Variants in SNAP91 observed in about 807,000 individuals in gnomAD.
The protein encoded by SNAP91 is clathrin coat assembly protein AP180.
A neutral mutation model predicts 100.3 loss-of-function variants in SNAP91; 27 were observed. That is an observed-to-expected ratio of 0.27 (90% CI 0.20 to 0.37). The LOEUF (loss-of-function observed/expected upper bound fraction) is 0.37. Among genes scored for constraint, SNAP91 ranks in the 10% least tolerant of loss-of-function variants. The probability of loss-of-function intolerance (pLI) is 1.00; values close to 1 mark genes in which losing one functional copy is unlikely to be tolerated. For synonymous variants in SNAP91, 404 were observed against 398.6 expected, an observed-to-expected ratio of 1.01 and a Z score of -0.16; for missense variants, 986 against 1,123.7, an observed-to-expected ratio of 0.88 and a Z score of 1.75.
At position 83,650,233 on chromosome 6, in the gene SNAP91, T is replaced by C. The variant is rs185313904; in HGVS notation, c.658+6521A>G. On this transcript the variant is annotated intron_variant, in intron 7 of 29. Coordinates refer to ENST00000369694, the MANE Select transcript of SNAP91 (RefSeq NM_001242792.2). ...TTGCATTTTCAATTTGCAATTGCAATAGTTAATAAAATCTTCGGACATTAA... is the reference window on the plus strand; with the variant it reads ...TTGCATTTTCAATTTGCAATTGCAACAGTTAATAAAATCTTCGGACATTAA... Among the ~76,000 whole-genome samples the C allele has an allele frequency of 2.0e-5, 3 of 152,340 alleles. No individual in the cohort carries two copies. The East Asian group carries it at 5.8e-4, about 29-fold the overall frequency.
chr6:83,661,461 C>G (rs1245417418), intron 5 of SNAP91, 41 bp downstream of exon 5: 1 of 1,271,716 alleles, frequency 7.9e-7, no homozygotes, highest in East Asian at 2.3e-5. Flanking sequence ...GCCTCAAAGA[C>G]TTATTCTCCT....
intron 24 of SNAP91, among the ~76,000 whole-genome samples, chr6:83,577,380 A>T (rs1285920533): frequency 6.6e-6 from 1 of 152,232 alleles, no homozygotes; most frequent in African/African-American, 2.4e-5. Flanking sequence ...TTATTTTAAA[A>T]TTTATTTTTC....
intron 2 of SNAP91, among the ~76,000 whole-genome samples, chr6:83,666,265 C>G (rs982210874): frequency 6.6e-6 from 1 of 151,960 alleles, no homozygotes; most frequent in Non-Finnish European, 1.5e-5. Flanking sequence ...ATCTACTGGC[C>G]AACAGGGAGT....
intron 25 of SNAP91, 60 bp downstream of exon 25, chr6:83,575,963 A>G: frequency 9.2e-6 from 8 of 867,734 alleles, no homozygotes; most frequent in Non-Finnish European, 1.4e-5. Flanking sequence ...AATGGTTGAT[A>G]GTCTCAAATG....
chr6:83,606,242 T>A (rs539366216), intron 13 of SNAP91, among the ~76,000 whole-genome samples: 117 of 152,266 alleles, frequency 7.7e-4, no homozygotes, highest in African/African-American at 2.6e-3. Flanking sequence ...AGAAAAAAAA[T>A]TCATGTCTTG....
At chr6:83,690,663 T>A (rs1441585164) in intron 2 of SNAP91, among the ~76,000 whole-genome samples, 1 of 152,090 alleles carries the variant, frequency 6.6e-6, no homozygotes, top group African/African-American at 2.4e-5. Flanking sequence ...GTAAGTCTTA[T>A]AATGGGCAAT....
chr6:83,596,135 G>C (rs1256277908), intron 16 of SNAP91, among the ~76,000 whole-genome samples: 1 of 152,144 alleles, frequency 6.6e-6, no homozygotes, highest in Non-Finnish European at 1.5e-5. Context: ...GCTCACTATA[G>C]CTTTGAACTA....
At chr6:83,563,078 A>G (rs1353963626) in intron 26 of SNAP91, among the ~76,000 whole-genome samples, 1 of 152,234 alleles carries the variant, frequency 6.6e-6, no homozygotes, top group East Asian at 1.9e-4. Context: ...GTTAGACAAG[A>G]GCCACAAGGG....
At chr6:83,700,315 G>A (rs1030675560) in intron 2 of SNAP91, among the ~76,000 whole-genome samples, 2 of 151,910 alleles carry the variant, frequency 1.3e-5, no homozygotes, top group East Asian at 3.9e-4. Context: ...TTAAAAGGAG[G>A]GGGCAAAAAG....
intron 26 of SNAP91, among the ~76,000 whole-genome samples, chr6:83,566,814 A>G (rs1797294651): frequency 6.6e-6 from 1 of 152,208 alleles, no homozygotes; most frequent in East Asian, 1.9e-4. Flanking sequence ...GCAGAGATCA[A>G]CAACTAACCT....
At chr6:83,662,654 G>A (rs2098570497) in intron 3 of SNAP91, among the ~76,000 whole-genome samples, 1 of 151,770 alleles carries the variant, frequency 6.6e-6, no homozygotes. Flanking sequence ...CAATTTATTA[G>A]GATTCAGTAG....
intron 11 of SNAP91, among the ~76,000 whole-genome samples, chr6:83,613,687 C>A (rs1210740456): frequency 6.6e-6 from 1 of 152,214 alleles, no homozygotes; most frequent in South Asian, 2.1e-4. Context: ...ACATTCCAAC[C>A]CCCAAAACAC....
At chr6:83,555,666 G>A (rs965714285) in intron 29 of SNAP91, among the ~76,000 whole-genome samples, 2 of 152,076 alleles carry the variant, frequency 1.3e-5, no homozygotes, top group African/African-American at 4.8e-5. Context: ...TAGAACATTA[G>A]AAATTTAAAA....
At chr6:83,616,946 T>C (rs1159652208) in intron 10 of SNAP91, 23 bp downstream of exon 10, 5 of 1,436,296 alleles carry the variant, frequency 3.5e-6, no homozygotes, top group Non-Finnish European at 4.8e-6. Flanking sequence ...TCATCTTATT[T>C]AGAATATACA....
chr6:83,660,243 TAAG>T (rs1184712240), intron 5 of SNAP91, among the ~76,000 whole-genome samples: 1 of 152,182 alleles, frequency 6.6e-6, no homozygotes, highest in African/African-American at 2.4e-5. Flanking sequence ...TGGTGCCATG[TAAG>T]AAGTTAGAGG....
At chr6:83,601,538 T>C (rs1374047759) in intron 15 of SNAP91, 47 bp downstream of exon 15, 1 of 1,612,144 alleles carries the variant, frequency 6.2e-7, no homozygotes, top group Non-Finnish European at 8.5e-7. Context: ...AGTTGTTACA[T>C]ACAGAAGTCT....
chr6:83,576,070 GA>G lies in SNAP91; in HGVS notation c.2300-18del, dbSNP rs759089071. On this transcript the variant is annotated intron_variant, in intron 24 of 29. Coordinates refer to ENST00000369694, the MANE Select transcript of SNAP91 (RefSeq NM_001242792.2). ...TTCCAAGATCTATAAATGGATAAAA[GA>G]AAAAAGAATGTAAATCTCTACACTC... 39 of 1,258,734 alleles carry G rather than the reference GA, an allele frequency of 3.1e-5. No individual in the cohort carries two copies. The African/African-American group carries it at 5.8e-4, about 19-fold the overall frequency. 78.0% of individuals were successfully genotyped at this position (1,258,734 alleles called of 1,614,324 possible).
intron 8 of SNAP91, among the ~76,000 whole-genome samples, chr6:83,626,747 TAGG>T (rs1246992245): frequency 1.3e-5 from 2 of 152,124 alleles, no homozygotes; most frequent in East Asian, 1.9e-4. Flanking sequence ...TTATCAGGTC[TAGG>T]AGTTTTTTGA....
intron 9 of SNAP91, among the ~76,000 whole-genome samples, chr6:83,620,492 C>G (rs2096668658): frequency 6.6e-6 from 1 of 152,186 alleles, no homozygotes; most frequent in South Asian, 2.1e-4. Context: ...GAACAATTCA[C>G]ATGCTAGCCC....
Sources: gnomAD v4.1 joint callset for allele counts (sites outside exome capture counted in the v4.1 genomes callset) on GRCh38, gnomAD v4.1.1 for gene constraint, MANE v1.5 for transcripts, NCBI Gene and HGNC (gene_info 2026-07-23, HGNC 2026-07-21) for gene names.